The following ANXA11 variants were observed in gnomAD, a reference collection of about 807,000 sequenced individuals.
ANXA11 encodes annexin A11.
A neutral mutation model predicts 64.7 loss-of-function variants in ANXA11; 57 were observed. That is an observed-to-expected ratio of 0.88 (90% CI 0.71 to 1.10). The LOEUF is 1.10. ANXA11 is among the 50% of genes least tolerant of loss of function. The pLI, the probability that ANXA11 is intolerant of heterozygous loss-of-function variation, is 0.00. For synonymous variants in ANXA11, 260 were observed against 265.2 expected, an observed-to-expected ratio of 0.98 and a Z score of 0.19; for missense variants, 675 against 670.7, an observed-to-expected ratio of 1.01 and a Z score of -0.07.
chr10:80,171,970 T>C, intron 3 of ANXA11: 1 of 962,486 alleles, frequency 1.0e-6, no homozygotes, highest in Non-Finnish European at 1.2e-6. Context: ...GGTCTGAGTC[T>C]GTTCTTCACC....
Position 80,161,951 on chromosome 10 carries a change from C to A in ANXA11, c.1164G>T (p.Arg388=). Residue 388 remains arginine (R), a synonymous_variant, in exon 12 of 16, where the codon CGG becomes CGT. Coordinates refer to ENST00000422982, the MANE Select transcript of ANXA11 (RefSeq NM_145868.2). ...CTGCCTTACCTGCTACCAGGTGGGCCCGGCTCCGGGAGCACAGAACCGCAT... is the reference window on the plus strand; with the variant it reads ...CTGCCTTACCTGCTACCAGGTGGGCACGGCTCCGGGAGCACAGAACCGCAT... ...KFNAVLCSRS[R]AHLVAVFNEY... is the part of the protein sequence containing the mutation. 1.2e-6 allele frequency: 2 copies of A among 1,612,022 alleles called. No individual in the cohort carries two copies. Among genetic ancestry groups the A allele is most frequent in the Non-Finnish European group, 1.7e-6 (2 of 1,179,406 alleles).
Position 80,162,001 on chromosome 10 carries a change from G to A in ANXA11, c.1114C>T (p.Leu372=). 1.2e-6 allele frequency: 2 copies of A among 1,612,128 alleles called. No individual in the cohort carries two copies. The highest frequency in any genetic ancestry group is 4.5e-5 in the East Asian group (2 of 44,872). ...TTGAACTTGGACTCGTCTGTTCCCA[G>A]GCGGTTCTCCCCGGCCGCATACAGC... is the stretch of plus-strand genomic sequence containing the variant. ...QELYAAGENR[L]GTDESKFNAV... is the part of the protein sequence containing the mutation. Residue 372 remains leucine (L), a synonymous_variant, in exon 12 of 16, where the codon CTG becomes TTG. Transcript: ENST00000422982.
intron 11 of ANXA11, 60 bp downstream of exon 11, chr10:80,163,289 G>T: frequency 6.3e-7 from 1 of 1,596,280 alleles, no homozygotes; most frequent in Non-Finnish European, 8.6e-7. Flanking sequence ...CTCTCAGGAA[G>T]CAAGAAAGCG....
At chr10:80,187,951 CA>C (rs1289439740) in intron 1 of ANXA11, among the ~76,000 whole-genome samples, 2 of 152,162 alleles carry the variant, frequency 1.3e-5, no homozygotes, top group Non-Finnish European at 2.9e-5. Context: ...ATCTACAAGA[CA>C]ACCCTTGCAG....
Position 80,155,922 on chromosome 10 carries a change from G to A in ANXA11, c.1459-10C>T, listed in dbSNP as rs1564596034. 6.2e-7 allele frequency: 1 copy of A among 1,613,778 alleles called. No homozygotes were observed. Among genetic ancestry groups the A allele is most frequent in the African/African-American group, 1.3e-5 (1 of 75,044 alleles). Reference sequence around the variant, plus strand: ...CCCCTGAAGTATCTCCCTGGCCACAGAAACAAGGAAGACATCCGTTAAGGG... The same window carrying A: ...CCCCTGAAGTATCTCCCTGGCCACAAAAACAAGGAAGACATCCGTTAAGGG... On this transcript the variant is annotated splice_polypyrimidine_tract_variant and intron_variant, in intron 15 of 15. Transcript: ENST00000422982.
rs117726722 is a variant in ANXA11, at chr10:80,182,823, T to A, written c.-57-6668A>T. Among the ~76,000 whole-genome samples, 50 of 152,306 alleles carry A rather than the reference T, an allele frequency of 3.3e-4. 1 individual carries two copies. Among genetic ancestry groups the A allele is most frequent in the South Asian group, 1.2e-3 (6 of 4,826 alleles). On this transcript the variant is annotated intron_variant, in intron 1 of 15. Transcript: ENST00000422982. ...TAATGTCTCAGGTGATAATGTGATATAAGAAATATATATCTGGCAGTCTTG... is the reference window on the plus strand; with the variant it reads ...TAATGTCTCAGGTGATAATGTGATAAAAGAAATATATATCTGGCAGTCTTG...
intron 15 of ANXA11, chr10:80,157,049 G>A (rs1463668820): frequency 1.0e-6 from 1 of 984,772 alleles, no homozygotes; most frequent in East Asian, 1.1e-4. Context: ...GTGTTTAATA[G>A]ACACTTGACC....
At chr10:80,163,765 G>A (rs1845616643) in intron 9 of ANXA11, 152 bp from the exon 10 acceptor site, 2 of 752,694 alleles carry the variant, frequency 2.7e-6, no homozygotes, top group Non-Finnish European at 4.3e-6. Flanking sequence ...GCCCTCCAGG[G>A]ATATACAAGC....
At chr10:80,197,681 G>A (rs1339488528) in intron 1 of ANXA11, among the ~76,000 whole-genome samples, 9 of 152,150 alleles carry the variant, frequency 5.9e-5, no homozygotes, top group African/African-American at 2.2e-4. Flanking sequence ...CCAGCATTTT[G>A]GGAGGCCGAG....
At chr10:80,176,864 G>A (rs1305440223) in intron 1 of ANXA11, among the ~76,000 whole-genome samples, 1 of 152,104 alleles carries the variant, frequency 6.6e-6, no homozygotes, top group Non-Finnish European at 1.5e-5. Flanking sequence ...GTGGTCCTGC[G>A]ACCCTGGGTC....
chr10:80,170,957 C>A (rs374973029), intron 3 of ANXA11, 42 bp from the exon 4 acceptor site: 4 of 1,557,820 alleles, frequency 2.6e-6, no homozygotes, highest in Admixed American at 2.0e-5. Context: ...GCCAGTCCCC[C>A]ACCACACGGG....
At chr10:80,168,285 C>T (rs1170163012) in intron 5 of ANXA11, among the ~76,000 whole-genome samples, 1 of 148,674 alleles carries the variant, frequency 6.7e-6, no homozygotes, top group Non-Finnish European at 1.5e-5. Flanking sequence ...ATCAAGGGAC[C>T]GAAGACAGCT....
At chr10:80,194,015 C>T (rs1186210899) in intron 1 of ANXA11, among the ~76,000 whole-genome samples, 3 of 151,730 alleles carry the variant, frequency 2.0e-5, no homozygotes, top group Non-Finnish European at 4.4e-5. Context: ...GACAGGGTTT[C>T]GCCATGTTGA....
chr10:80,172,680 C>T, intron 3 of ANXA11, 127 bp downstream of exon 3: 1 of 963,706 alleles, frequency 1.0e-6, no homozygotes, highest in Non-Finnish European at 1.6e-6. Context: ...CTGTTGTCCT[C>T]TCCTCCCCTG....
At chr10:80,169,890 C>T (rs973571110) in intron 4 of ANXA11, among the ~76,000 whole-genome samples, 1 of 152,168 alleles carries the variant, frequency 6.6e-6, no homozygotes, top group African/African-American at 2.4e-5. Context: ...ACACTGGCCT[C>T]TCCTCCCTGT....
rs532001963 is a variant in ANXA11 at position 80,197,923 on chromosome 10, C to CAA, written c.-58+7418_-58+7419dup. On this transcript the variant is annotated intron_variant, in intron 1 of 15. Coordinates refer to ENST00000422982, the MANE Select transcript of ANXA11 (RefSeq NM_145868.2). ...TGGGCGACAGAGTGAGACTCCGTCTCAAAAAAAAAAAAATAACCCCTATCC... is the reference window on the plus strand; with the variant it reads ...TGGGCGACAGAGTGAGACTCCGTCTCAAAAAAAAAAAAAAATAACCCCTATCC... Among the ~76,000 whole-genome samples the CAA allele has an allele frequency of 3.4e-3, 485 of 142,262 alleles. 3 individuals are homozygous for CAA. Among genetic ancestry groups the CAA allele is most frequent in the Admixed American group, 0.018 (256 of 14,422 alleles). The allele number at this position is 142,262 out of a possible 152,430, so 93.3% of individuals were successfully genotyped here.
At chr10:80,173,576 C>A (rs1474972234) in intron 2 of ANXA11, among the ~76,000 whole-genome samples, 3 of 151,460 alleles carry the variant, frequency 2.0e-5, no homozygotes, top group Non-Finnish European at 2.9e-5. Flanking sequence ...AGGTGAGACA[C>A]CTGCTCTCAC....
intron 2 of ANXA11, among the ~76,000 whole-genome samples, chr10:80,174,674 G>A (rs1375416181): frequency 6.6e-6 from 1 of 151,866 alleles, no homozygotes; most frequent in Non-Finnish European, 1.5e-5. Context: ...TGGGATCAAG[G>A]GATTCTTGTG....
intron 13 of ANXA11, 145 bp downstream of exon 13, chr10:80,158,955 G>GC (rs1407617061): frequency 9.4e-6 from 6 of 639,810 alleles, no homozygotes; most frequent in Non-Finnish European, 1.7e-5. Flanking sequence ...TGACTTCCCA[G>GC]CATCTGGACA....
Sources: gnomAD v4.1 joint callset for allele counts (sites outside exome capture counted in the v4.1 genomes callset) on GRCh38, gnomAD v4.1.1 for gene constraint, MANE v1.5 for transcripts, NCBI Gene and HGNC (gene_info 2026-07-23, HGNC 2026-07-21) for gene names.